WASF3: variants seen among roughly 807,000 people sequenced by gnomAD.
WASF3 encodes actin-binding protein WASF3.
In WASF3, 11 loss-of-function variants were observed where a neutral mutation model predicts 46.6. That is an observed-to-expected ratio of 0.24 (90% CI 0.15 to 0.39). WASF3 has a LOEUF of 0.39. Among genes scored for constraint, WASF3 ranks in the 10% least tolerant of loss-of-function variants. WASF3 has a pLI of 1.00. For synonymous variants in WASF3, 242 were observed against 259.7 expected (o/e 0.93, Z 0.65); for missense variants, 576 against 669.8 (o/e 0.86, Z 1.55).
At chr13:26,634,275 T>C (rs549173048) in intron 2 of WASF3, among the ~76,000 whole-genome samples, 1 of 152,204 alleles carries the variant, frequency 6.6e-6, no homozygotes, top group African/African-American at 2.4e-5. Context: ...CTTTGTTGGT[T>C]TAAAGTCTGT....
intron 3 of WASF3, among the ~76,000 whole-genome samples, chr13:26,654,569 G>A (rs1401534007): frequency 1.3e-5 from 2 of 152,168 alleles, no homozygotes; most frequent in African/African-American, 4.8e-5. Context: ...ATACACAGTC[G>A]ATGCTTGAAT....
At position 26,559,823 on chromosome 13, in the gene WASF3, T is replaced by TCTTTCTTTCTTTCTTTC. The variant is rs57762171; in HGVS notation, c.-109+2004_-109+2005insCTTTCTTTCTTTCTTTC. 8.1e-4 allele frequency among the ~76,000 whole-genome samples: 102 copies of TCTTTCTTTCTTTCTTTC among 126,626 alleles called. 2 individuals are homozygous for TCTTTCTTTCTTTCTTTC. The highest frequency in any genetic ancestry group is 3.9e-3 in the Middle Eastern group (1 of 256). 83.1% of individuals were successfully genotyped at this position (126,626 alleles called of 152,430 possible). On this transcript the variant is annotated intron_variant, in intron 1 of 9. Transcript: ENST00000335327. ...TTCTTTCTTTCTTTTTTTTTTTTTTTTTTTTTTTTTTGAGACGGAGTCTTG... is the reference window on the plus strand; with the variant it reads ...TTCTTTCTTTCTTTTTTTTTTTTTTTCTTTCTTTCTTTCTTTCTTTTTTTTTTTGAGACGGAGTCTTG...
intron 2 of WASF3, chr13:26,625,951 A>G (rs763057473): frequency 3.3e-5 from 5 of 152,244 alleles, no homozygotes; most frequent in Non-Finnish European, 5.9e-5. Flanking sequence ...CATAACAAAT[A>G]ACTGAAAGAA....
the WASF3 span, among the ~76,000 whole-genome samples, chr13:26,540,868 T>C: frequency 2.0e-5 from 3 of 152,130 alleles, no homozygotes; most frequent in African/African-American, 7.2e-5. Flanking sequence ...TTGGTTGACA[T>C]AGTAAGATGT....
intron 9 of WASF3, among the ~76,000 whole-genome samples, chr13:26,683,824 C>T (rs897101001): frequency 1.3e-5 from 2 of 152,178 alleles, no homozygotes; most frequent in African/African-American, 2.4e-5. Flanking sequence ...AGTCTGCCCT[C>T]GCCTGTCTTG....
Position 26,681,314 on chromosome 13 carries a change from A to T in WASF3, c.977A>T (p.Asp326Val). Residue 326 changes from aspartate to valine, a missense_variant, in exon 8 of 10, where the codon GAC becomes GTC. Physicochemically the swap from Asp to Val is radical, Grantham distance 152 (BLOSUM62 -3). Coordinates refer to ENST00000335327, the MANE Select transcript of WASF3 (RefSeq NM_006646.6). ...SQASAPMAPA[D>V]YGMLPAQIIE... is the part of the protein sequence containing the mutation. ...GCCTCTGCACCGATGGCTCCAGCAGACTACGGGTAACTCAGCATGCCTTGT... is the reference window on the plus strand; with the variant it reads ...GCCTCTGCACCGATGGCTCCAGCAGTCTACGGGTAACTCAGCATGCCTTGT... 1 of 1,588,238 alleles carries T rather than the reference A, an allele frequency of 6.3e-7. No homozygotes were observed. The highest frequency in any genetic ancestry group is 8.6e-7 in the Non-Finnish European group (1 of 1,167,456).
chr13:26,559,325 A>T (rs927873767), intron 1 of WASF3, among the ~76,000 whole-genome samples: 1 of 152,240 alleles, frequency 6.6e-6, no homozygotes, highest in Non-Finnish European at 1.5e-5. Context: ...TTATTCTAGA[A>T]CTATGTACAT....
At chr13:26,580,378 A>T (rs1275758409) in intron 1 of WASF3, among the ~76,000 whole-genome samples, 1 of 152,164 alleles carries the variant, frequency 6.6e-6, no homozygotes, top group African/African-American at 2.4e-5. Flanking sequence ...TTCTCTCAAG[A>T]TGTTCAGTTG....
intron 1 of WASF3, among the ~76,000 whole-genome samples, chr13:26,588,658 T>G (rs1880201739): frequency 6.6e-6 from 1 of 152,186 alleles, no homozygotes; most frequent in South Asian, 2.1e-4. Flanking sequence ...GCGTAACAGT[T>G]TACTTCCTCC....
At chr13:26,667,701 T>G in intron 5 of WASF3, 31 bp downstream of exon 5, 2 of 1,605,896 alleles carry the variant, frequency 1.2e-6, no homozygotes, top group Non-Finnish European at 1.7e-6. Context: ...GAGCCTCTCC[T>G]TGAGATGAGG....
intron 1 of WASF3, among the ~76,000 whole-genome samples, chr13:26,604,434 C>A (rs538722311): frequency 6.6e-6 from 1 of 151,980 alleles, no homozygotes; most frequent in Non-Finnish European, 1.5e-5. Flanking sequence ...AAGAGTCAGG[C>A]GGCTGTTTTT....
At chr13:26,542,850 TATTG>T in the WASF3 span, among the ~76,000 whole-genome samples, 1 of 152,212 alleles carries the variant, frequency 6.6e-6, no homozygotes, top group Non-Finnish European at 1.5e-5. Flanking sequence ...AATAAATGCT[TATTG>T]ATTGATTGCC....
At chr13:26,575,618 G>A (rs1879774319) in intron 1 of WASF3, among the ~76,000 whole-genome samples, 2 of 152,228 alleles carry the variant, frequency 1.3e-5, no homozygotes, top group African/African-American at 4.8e-5. Context: ...ACATGTGTAA[G>A]TATTTTATGA....
upstream of WASF3, among the ~76,000 whole-genome samples, chr13:26,553,744 G>A (rs1879018953): frequency 6.6e-6 from 1 of 151,692 alleles, no homozygotes; most frequent in Admixed American, 6.6e-5. Flanking sequence ...GTGAACCCAG[G>A]AGGCGGAGCT....
the WASF3 span, among the ~76,000 whole-genome samples, chr13:26,550,224 A>T: frequency 6.6e-5 from 10 of 152,274 alleles, no homozygotes; most frequent in African/African-American, 4.8e-5. Context: ...GATTTTTTTA[A>T]AATTCCTTAT....
At chr13:26,559,788 T>TTTTTTCTTTCTTTCTTTC (rs1555246393) in intron 1 of WASF3, among the ~76,000 whole-genome samples, 4 of 80,508 alleles carry the variant, frequency 5.0e-5, no homozygotes, top group Non-Finnish European at 7.1e-5. Flanking sequence ...TTTTCTTTTC[T>TTTTTTCTTTCTTTCTTTC]TTTCTTTCTT....
At chr13:26,598,796 G>A (rs1362413762) in intron 1 of WASF3, among the ~76,000 whole-genome samples, 1 of 152,212 alleles carries the variant, frequency 6.6e-6, no homozygotes, top group Non-Finnish European at 1.5e-5. Flanking sequence ...GGACAGTGGT[G>A]AGTTATTTAT....
the WASF3 span, among the ~76,000 whole-genome samples, chr13:26,545,818 C>A: frequency 3.3e-5 from 5 of 152,114 alleles, no homozygotes; most frequent in Non-Finnish European, 5.9e-5. Context: ...TGCCCAAGTT[C>A]GTCTCAAATT....
intron 3 of WASF3, among the ~76,000 whole-genome samples, chr13:26,644,836 G>A (rs891214123): frequency 6.6e-6 from 1 of 152,160 alleles, no homozygotes; most frequent in African/African-American, 2.4e-5. Flanking sequence ...TGTACAAAGA[G>A]AAGCAAGAAC....
Sources: gnomAD v4.1 joint callset for allele counts (sites outside exome capture counted in the v4.1 genomes callset) on GRCh38, gnomAD v4.1.1 for gene constraint, MANE v1.5 for transcripts, NCBI Gene and HGNC (gene_info 2026-07-23, HGNC 2026-07-21) for gene names.